The following SLC12A7 variants were observed in gnomAD, a reference collection of about 807,000 sequenced individuals.
The protein encoded by SLC12A7 is K-Cl cotransporter 4.
SLC12A7 carries 100 observed loss-of-function variants against 120.6 expected under a neutral mutation model. The ratio of observed to expected loss-of-function variants is 0.83; its 90% CI spans 0.71 to 0.98. The LOEUF (loss-of-function observed/expected upper bound fraction) is 0.98. SLC12A7 is among the 50% of genes least tolerant of loss of function. SLC12A7 has a pLI of 0.00. For missense variants in SLC12A7, 1,373 were observed against 1,548.1 expected, an observed-to-expected ratio of 0.89 and a Z score of 1.90; for synonymous variants, 760 against 678.0, an observed-to-expected ratio of 1.12 and a Z score of -1.88.
At position 1,111,941 on chromosome 5, in the gene SLC12A7, G is replaced by A. The variant is rs755548553; in HGVS notation, c.51C>T (p.Gly17=). The A allele has an allele frequency of 5.4e-6, 7 of 1,290,278 alleles. No individual in the cohort carries two copies. The highest frequency in any genetic ancestry group is 2.7e-5 in the South Asian group (1 of 37,600). The allele number at this position is 1,290,278 out of a possible 1,614,324, so 79.9% of individuals were successfully genotyped here. Residue 17 remains glycine, a synonymous_variant, in exon 1 of 24, where the codon GGC becomes GGT. Coordinates refer to ENST00000264930, the MANE Select transcript of SLC12A7 (RefSeq NM_006598.3). ...CCGTCCGCTCGGCAGTCTCGTCCCC[G>A]CCGCCGTCGGCGTGAGCCTCCACGG... ...VVPVEAHADG[G]GDETAERTEA...
intron 1 of SLC12A7, among the ~76,000 whole-genome samples, chr5:1,105,592 C>T (rs779278690): frequency 2.6e-5 from 4 of 152,264 alleles, no homozygotes; most frequent in Non-Finnish European, 4.4e-5. Flanking sequence ...AGGAGCTCAT[C>T]GTTCAGGCTG....
At chr5:1,073,553 C>T (rs115742706) in intron 17 of SLC12A7, 80 bp downstream of exon 17, 10 of 1,452,788 alleles carry the variant, frequency 6.9e-6, no homozygotes, top group African/African-American at 2.9e-5. Context: ...TGACACGCTG[C>T]GATGAGGACA....
chr5:1,063,893 A>G lies in SLC12A7; in HGVS notation c.2690T>C (p.Met897Thr), dbSNP rs749285569. 1.6e-5 allele frequency: 25 copies of G among 1,611,136 alleles called. No individual in the cohort carries two copies. The highest frequency in any genetic ancestry group is 2.0e-5 in the Non-Finnish European group (24 of 1,179,456). ...NSIQMKKDLQ[M>T]FLYHLRISAE... ...GCTGATGCGCAAGTGGTACAAGAAC[A>G]TCTGCAGGTCCTTCTTCATCTGGAT... Residue 897 changes from methionine to threonine, a missense_variant, in exon 20 of 24, where the codon ATG (methionine) becomes ACG (threonine). Physicochemically the swap from Met to Thr is moderately conservative, Grantham distance 81. Coordinates refer to ENST00000264930, the MANE Select transcript of SLC12A7 (RefSeq NM_006598.3).
chr5:1,133,270 G>A, the SLC12A7 span, among the ~76,000 whole-genome samples: 2 of 152,226 alleles, frequency 1.3e-5, no homozygotes, highest in Non-Finnish European at 2.9e-5. Flanking sequence ...CAGGCGCCCT[G>A]CGCTGGGCTA....
chr5:1,123,483 G>A, the SLC12A7 span, among the ~76,000 whole-genome samples: 1 of 152,192 alleles, frequency 6.6e-6, no homozygotes, highest in East Asian at 1.9e-4. Flanking sequence ...AGATAAATGA[G>A]TTAAGCTGTC....
chr5:1,075,313 A>G lies in SLC12A7; in HGVS notation c.1967+58T>C, dbSNP rs894788654. The stretch of plus-strand genomic sequence containing the variant: ...TCCAGGGAGCTGCCCCAGGCATAGC[A>G]TGAGAGGGGCCCGCCCTCCCGTGCG... On this transcript the variant is annotated intron_variant, in intron 15 of 23. Transcript: ENST00000264930. The G allele has an allele frequency of 2.5e-6, 4 of 1,576,916 alleles. No homozygotes were observed. In the African/African-American group the frequency reaches 5.4e-5, roughly 21 times the overall value.
chr5:1,111,317 G>A (rs1579450436), intron 1 of SLC12A7, among the ~76,000 whole-genome samples: 1 of 152,302 alleles, frequency 6.6e-6, no homozygotes, highest in East Asian at 1.9e-4. Flanking sequence ...GACGCGGCCT[G>A]AGCAAGGCCC....
chr5:1,133,666 G>C, the SLC12A7 span, among the ~76,000 whole-genome samples: 2 of 152,204 alleles, frequency 1.3e-5, no homozygotes, highest in Admixed American at 1.3e-4. Flanking sequence ...CACTGTCAGA[G>C]ACGGGAGGCT....
At chr5:1,148,691 GT>G in the SLC12A7 span, among the ~76,000 whole-genome samples, 1 of 152,330 alleles carries the variant, frequency 6.6e-6, no homozygotes, top group African/African-American at 2.4e-5. Context: ...TGTAAAGTGG[GT>G]ACAGGGACAC....
At chr5:1,129,162 C>T in the SLC12A7 span, among the ~76,000 whole-genome samples, 3 of 152,212 alleles carry the variant, frequency 2.0e-5, no homozygotes, top group Non-Finnish European at 4.4e-5. Context: ...GGGACAGCCA[C>T]GTCTCTCCTA....
chr5:1,153,894 C>A, the SLC12A7 span, among the ~76,000 whole-genome samples: 2 of 152,070 alleles, frequency 1.3e-5, no homozygotes, highest in East Asian at 3.9e-4. Flanking sequence ...AGGGAGGAGA[C>A]CACAGCATCC....
chr5:1,069,019 G>A (rs1737352473), intron 17 of SLC12A7, among the ~76,000 whole-genome samples: 1 of 152,376 alleles, frequency 6.6e-6, no homozygotes, highest in East Asian at 1.9e-4. Flanking sequence ...GGACATATGG[G>A]GACCAGGACC....
At chr5:1,103,464 C>T (rs117149128) in intron 1 of SLC12A7, among the ~76,000 whole-genome samples, 3,769 of 152,306 alleles carry the variant, frequency 0.025, 165 homozygotes, top group East Asian at 0.17. Flanking sequence ...TGTACACATG[C>T]ACAGACAGGC....
chr5:1,149,590 TTAAAA>T, the SLC12A7 span, among the ~76,000 whole-genome samples: 1 of 150,094 alleles, frequency 6.7e-6, no homozygotes, highest in Non-Finnish European at 1.5e-5. Flanking sequence ...AACAAATAAA[TTAAAA>T]AAAATAAAAA....
intron 20 of SLC12A7, among the ~76,000 whole-genome samples, chr5:1,062,611 G>T (rs1367998109): frequency 6.7e-6 from 1 of 149,148 alleles, no homozygotes. Flanking sequence ...GCCGTGCCTG[G>T]CCTCACTCAC....
At chr5:1,096,448 G>C (rs960207667) in intron 1 of SLC12A7, among the ~76,000 whole-genome samples, 1 of 152,000 alleles carries the variant, frequency 6.6e-6, no homozygotes, top group Non-Finnish European at 1.5e-5. Flanking sequence ...ATGTCTAAAT[G>C]TCTTTCCCAT....
the SLC12A7 span, among the ~76,000 whole-genome samples, chr5:1,142,342 C>T: frequency 1.0e-5 from 1 of 100,456 alleles, no homozygotes; most frequent in Non-Finnish European, 2.0e-5. Flanking sequence ...TCTCCCCTCT[C>T]CCCTCTTCCC....
At chr5:1,052,476 C>T (rs1735150009) in intron 23 of SLC12A7, 25 bp from the exon 24 acceptor site, 2 of 1,577,166 alleles carry the variant, frequency 1.3e-6, no homozygotes, top group Admixed American at 1.7e-5. Context: ...GTTAAGGCCA[C>T]AGCTGATCTT....
Position 1,053,502 on chromosome 5 carries a change from G to C in SLC12A7, c.3027-20C>G. The C allele has an allele frequency of 6.2e-7, 1 of 1,610,958 alleles. No individual in the cohort carries two copies. Among genetic ancestry groups the C allele is most frequent in the East Asian group, 2.2e-5 (1 of 44,828 alleles). ...TGGTCCCTGCAGGGGAGGTGGGCAC[G>C]GTCAGCGGGCGGCGGGTGCACCCCA... On this transcript the variant is annotated intron_variant, in intron 22 of 23. Coordinates refer to ENST00000264930, the MANE Select transcript of SLC12A7 (RefSeq NM_006598.3).
Sources: allele counts gnomAD v4.1 joint callset (sites outside exome capture counted in the v4.1 genomes callset), GRCh38; gene constraint gnomAD v4.1.1; transcripts MANE v1.5; gene names NCBI Gene and HGNC (gene_info 2026-07-23, HGNC 2026-07-21).